Variants in STS observed in about 807,000 individuals in gnomAD.
The protein encoded by STS is steroid sulfatase, also known as steryl-sulfatase.
In STS, 7 loss-of-function variants were observed where a neutral mutation model predicts 26.8. That is an observed-to-expected ratio of 0.26 (90% CI 0.15 to 0.49). STS has a LOEUF of 0.49. STS is among the 20% of genes least tolerant of loss of function. The pLI is 0.98. For missense variants in STS, 434 were observed against 465.6 expected, an observed-to-expected ratio of 0.93 and a Z score of 0.63; for synonymous variants, 199 against 189.4, an observed-to-expected ratio of 1.05 and a Z score of -0.42.
chrX:7,177,703 C>T (rs1228062160), intron 1 of STS, among the ~76,000 whole-genome samples: 1 of 110,152 alleles, frequency 9.1e-6, no homozygotes, highest in Admixed American at 9.8e-5. Context: ...TTGGTAGAGA[C>T]AGGGTTTCAC....
chrX:7,331,074 C>T (rs758013129), intron 9 of STS, among the ~76,000 whole-genome samples: 16 of 110,659 alleles, frequency 1.4e-4, no homozygotes, highest in Admixed American at 1.1e-3. Flanking sequence ...CTCTTATGAT[C>T]CTTCAGTCCT....
At chrX:7,253,467 C>T (rs1923245342) in intron 3 of STS, 131 bp downstream of exon 3, 2 of 878,769 alleles carry the variant, frequency 2.3e-6, no homozygotes, top group Non-Finnish European at 3.3e-6. Context: ...TGCCTGGCTT[C>T]ATGTAGATAC....
chrX:7,162,263 G>A (rs1933258987), intron 1 of STS, among the ~76,000 whole-genome samples: 1 of 111,817 alleles, frequency 8.9e-6, no homozygotes, highest in African/African-American at 3.3e-5. Flanking sequence ...AGAGGATGTG[G>A]CAATGATGAA....
chrX:7,223,045 A>G (rs374222617), intron 2 of STS, among the ~76,000 whole-genome samples: 1 of 111,980 alleles, frequency 8.9e-6, no homozygotes, highest in Non-Finnish European at 1.9e-5. Context: ...AATGACCTTT[A>G]GTTCCCTCCA....
intron 1 of STS, among the ~76,000 whole-genome samples, chrX:7,166,116 G>A (rs890575730): frequency 3.4e-4 from 35 of 103,986 alleles, no homozygotes; most frequent in Non-Finnish European, 5.5e-4. Flanking sequence ...CAATCGACCC[G>A]CCCATCTCAG....
In STS at chrX:7,259,562, A is replaced by G. The variant is rs2147089546; in HGVS notation, c.596A>G (p.Asn199Ser). Residue 199 changes from asparagine (N) to serine (S), a missense_variant, in exon 6 of 11, where the codon AAT becomes AGT. Physicochemically the swap from Asn to Ser is conservative, Grantham distance 46. Transcript: ENST00000674429. ...ACCCTCCTTACCCTTGCTGCACTCAATTGTCTGGGGCTACTCCACGTGCCT... is the reference window on the plus strand; with the variant it reads ...ACCCTCCTTACCCTTGCTGCACTCAGTTGTCTGGGGCTACTCCACGTGCCT... The part of the protein sequence containing the change: ...GVTLLTLAAL[N>S]CLGLLHVPLG... 8.3e-7 allele frequency: 1 copy of G among 1,210,537 alleles called. No individual in the cohort carries two copies. The highest frequency in any genetic ancestry group is 1.1e-6 in the Non-Finnish European group (1 of 895,081).
intron 10 of STS, among the ~76,000 whole-genome samples, chrX:7,344,786 C>T (rs1928451238): frequency 8.9e-6 from 1 of 111,950 alleles, no homozygotes; most frequent in African/African-American, 3.2e-5. Flanking sequence ...TAAGGGCACA[C>T]TCACGTTGTG....
intron 2 of STS, among the ~76,000 whole-genome samples, chrX:7,196,613 A>T (rs754255983): frequency 1.2e-4 from 13 of 112,059 alleles, no homozygotes; most frequent in African/African-American, 4.2e-4. Flanking sequence ...CACTACAACT[A>T]TCAGTGACCA....
At position 7,273,779 on chromosome X, in the gene STS, T is replaced by TA. The variant is rs755327221; in HGVS notation, c.807-2162dup. ...TGAATTTGTATGCCCTTTCTCCTAT[T>TA]AAAAAAAAAAGAAATTGAATTCCTG... is the stretch of plus-strand genomic sequence containing the variant. On this transcript the variant is annotated intron_variant, in intron 6 of 10. Coordinates refer to ENST00000674429, the MANE Select transcript of STS (RefSeq NM_001320752.2). Among the ~76,000 whole-genome samples the TA allele has an allele frequency of 3.9e-3, 422 of 107,328 alleles. 1 individual carries two copies. The highest frequency in any genetic ancestry group is 5.6e-3 in the African/African-American group (167 of 29,717). The allele number at this position is 107,328 out of a possible 115,157, so 93.2% of individuals were successfully genotyped here.
chrX:7,219,908 A>AATT (rs1217144264), intron 2 of STS, among the ~76,000 whole-genome samples: 1 of 112,575 alleles, frequency 8.9e-6, no homozygotes, highest in Non-Finnish European at 1.9e-5. Flanking sequence ...AAATGCGGCT[A>AATT]ATTAGTGACA....
Position 7,325,858 on chromosome X carries a change from G to A in STS, c.1241+360G>A, listed in dbSNP as rs1407360649. ...GGCCTGTCTATCTAGATGCTTCTTG[G>A]CCTCTCTGAGCAGTTTTCCTTCCTT... is the stretch of plus-strand genomic sequence containing the variant. On this transcript the variant is annotated intron_variant, in intron 9 of 10. Transcript: ENST00000674429. 5.4e-5 allele frequency among the ~76,000 whole-genome samples: 6 copies of A among 112,128 alleles called. No individual in the cohort carries two copies. In the South Asian group the frequency reaches 1.9e-3, roughly 35 times the overall value.
intron 7 of STS, among the ~76,000 whole-genome samples, chrX:7,280,608 A>T (rs137947870): frequency 8.9e-6 from 1 of 111,887 alleles, no homozygotes; most frequent in Non-Finnish European, 1.9e-5. Flanking sequence ...GACATTTTTC[A>T]TAGACCTGTT....
At chrX:7,203,674 C>T (rs1934117027) in intron 2 of STS, among the ~76,000 whole-genome samples, 1 of 111,234 alleles carries the variant, frequency 9.0e-6, no homozygotes, top group Non-Finnish European at 1.9e-5. Flanking sequence ...AGTTCTGCTC[C>T]CTGCAAACTA....
intron 6 of STS, among the ~76,000 whole-genome samples, chrX:7,269,623 A>G (rs1321018497): frequency 1.8e-5 from 2 of 110,476 alleles, no homozygotes; most frequent in Non-Finnish European, 3.8e-5. Flanking sequence ...CTCTCTTTAT[A>G]TTTCTGGTGC....
At position 7,183,918 on chromosome X, in the gene STS, C is replaced by T. The variant is rs1933727323; in HGVS notation, c.-133-6962C>T. 2.7e-5 allele frequency among the ~76,000 whole-genome samples: 3 copies of T among 111,334 alleles called. No individual in the cohort carries two copies. In the South Asian group the frequency reaches 1.2e-3, roughly 43 times the overall value. On this transcript the variant is annotated intron_variant, in intron 1 of 10. Coordinates refer to ENST00000674429, the MANE Select transcript of STS (RefSeq NM_001320752.2). ...TCAGGAGGCTGAGGCAGGAGAGTCA[C>T]TTGAACCCAGGAGGTGGAGGTTGCA...
At chrX:7,279,371 GTGTGTGTATATATA>G (rs1317937478) in intron 7 of STS, among the ~76,000 whole-genome samples, 8 of 87,102 alleles carry the variant, frequency 9.2e-5, no homozygotes, top group Non-Finnish European at 1.8e-4. Context: ...ATGTGTGTGT[GTGTGTGTATATATA>G]TGTGTGTGTA....
At chrX:7,169,339 C>G (rs1473848963) in intron 1 of STS, among the ~76,000 whole-genome samples, 1 of 112,430 alleles carries the variant, frequency 8.9e-6, no homozygotes, top group Non-Finnish European at 1.9e-5. Context: ...TCTTCTTTTA[C>G]TGAGCATGGT....
chrX:7,200,271 G>T (rs1320772977), intron 2 of STS, among the ~76,000 whole-genome samples: 1 of 110,405 alleles, frequency 9.1e-6, no homozygotes, highest in Non-Finnish European at 1.9e-5. Flanking sequence ...TTCTTTCATC[G>T]CATGGGGGAA....
chrX:7,198,751 C>T (rs1361044192), intron 2 of STS, among the ~76,000 whole-genome samples: 1 of 112,412 alleles, frequency 8.9e-6, no homozygotes, highest in African/African-American at 3.2e-5. Flanking sequence ...TTTGCAAAGG[C>T]AGTTTCAGAT....
Sources: gnomAD v4.1 joint callset for allele counts (sites outside exome capture counted in the v4.1 genomes callset) on GRCh38, gnomAD v4.1.1 for gene constraint, MANE v1.5 for transcripts, NCBI Gene and HGNC (gene_info 2026-07-23, HGNC 2026-07-21) for gene names.